The following EHBP1 variants were observed in gnomAD, a reference collection of about 807,000 sequenced individuals.
The protein encoded by EHBP1 is EH domain-binding protein 1.
In EHBP1, 55 loss-of-function variants were observed where a neutral mutation model predicts 144.0. That is an observed-to-expected ratio of 0.38 (90% CI 0.31 to 0.48). The LOEUF is 0.48. Ranked by LOEUF, EHBP1 falls within the 20% of genes least tolerant of loss-of-function variation. EHBP1 has a pLI of 0.98. For synonymous variants in EHBP1, 469 were observed against 472.7 expected, an observed-to-expected ratio of 0.99 and a Z score of 0.10; for missense variants, 1,200 against 1,364.2, an observed-to-expected ratio of 0.88 and a Z score of 1.90.
At chr2:62,705,170 G>C (rs977336431), upstream of EHBP1, among the ~76,000 whole-genome samples, 17 of 152,226 alleles carry the variant, frequency 1.1e-4, no homozygotes, top group East Asian at 3.3e-3. Flanking sequence ...AGGAGGAACT[G>C]GTGAAATAAA....
At chr2:62,766,125 T>A (rs1225573312) in intron 4 of EHBP1, among the ~76,000 whole-genome samples, 1 of 152,158 alleles carries the variant, frequency 6.6e-6, no homozygotes, top group Non-Finnish European at 1.5e-5. Flanking sequence ...CCAGCTGCCA[T>A]GCTATTATAC....
At chr2:62,863,734 C>T (rs1365410057) in intron 8 of EHBP1, among the ~76,000 whole-genome samples, 1 of 151,754 alleles carries the variant, frequency 6.6e-6, no homozygotes, top group African/African-American at 2.4e-5. Context: ...TATCAGATCC[C>T]TGAGTGGTCT....
intron 10 of EHBP1, among the ~76,000 whole-genome samples, chr2:62,890,223 A>G (rs2052346681): frequency 6.6e-6 from 1 of 152,086 alleles, no homozygotes; most frequent in African/African-American, 2.4e-5. Flanking sequence ...AGCATGAGCC[A>G]CCACGCCTAG....
At chr2:62,999,664 C>A (rs1180070629) in intron 19 of EHBP1, among the ~76,000 whole-genome samples, 2 of 152,124 alleles carry the variant, frequency 1.3e-5, no homozygotes, top group Non-Finnish European at 2.9e-5. Context: ...GTACTTCATT[C>A]TTTTTTATGG....
At chr2:63,008,127 G>A (rs2060120194) in intron 19 of EHBP1, among the ~76,000 whole-genome samples, 1 of 151,638 alleles carries the variant, frequency 6.6e-6, no homozygotes. Context: ...ACAAAGAAAT[G>A]AAAATTTAAA....
Position 62,948,877 on chromosome 2 carries a change from C to T in EHBP1, c.2031C>T (p.Pro677=). 1 of 1,613,992 alleles carries T rather than the reference C, an allele frequency of 6.2e-7. No individual in the cohort carries two copies. ...VSDKKKDMSP[P]FICEETDEQK... is the part of the protein sequence containing the mutation. ...ATAAGAAGAAGGATATGTCTCCACC[C>T]TTTATTTGTGAGGAGACAGATGAAC... is the stretch of plus-strand genomic sequence containing the variant. Residue 677 remains proline, a synonymous_variant, in exon 13 of 23, where the codon CCC becomes CCT. Transcript: ENST00000431489.
intron 8 of EHBP1, among the ~76,000 whole-genome samples, chr2:62,863,972 G>GA (rs1302310560): frequency 1.3e-5 from 2 of 149,072 alleles, no homozygotes; most frequent in Non-Finnish European, 3.0e-5. Flanking sequence ...TCAGCCTCCT[G>GA]AGTAGCTGGG....
In EHBP1 at chr2:62,896,130, A is replaced by T. The variant is rs76834983; in HGVS notation, c.1185+21598A>T. On this transcript the variant is annotated intron_variant, in intron 10 of 22. Coordinates refer to ENST00000431489, the MANE Select transcript of EHBP1 (RefSeq NM_001142616.3). The stretch of plus-strand genomic sequence containing the variant: ...TATACATAAAAATCATGGTAAATGC[A>T]TCGGAGGAAAAGAACAGGGTACTAT... 3.9e-4 allele frequency among the ~76,000 whole-genome samples: 60 copies of T among 152,332 alleles called. 2 individuals are homozygous for T. The East Asian group carries it at 0.011, about 28-fold the overall frequency.
intron 19 of EHBP1, among the ~76,000 whole-genome samples, chr2:63,010,453 T>A (rs1334272002): frequency 1.3e-5 from 2 of 151,696 alleles, no homozygotes; most frequent in Admixed American, 6.6e-5. Flanking sequence ...TATACTGGAT[T>A]ATTTTCCATA....
At chr2:62,982,543 C>T (rs2059016443) in intron 15 of EHBP1, among the ~76,000 whole-genome samples, 1 of 152,106 alleles carries the variant, frequency 6.6e-6, no homozygotes, top group Non-Finnish European at 1.5e-5. Flanking sequence ...AATTAGTGTC[C>T]ACTCTTCTAG....
intron 1 of EHBP1, among the ~76,000 whole-genome samples, chr2:62,683,425 C>G (rs1045009946): frequency 2.6e-5 from 4 of 151,954 alleles, no homozygotes; most frequent in African/African-American, 4.8e-5. Flanking sequence ...TTTGGGAGGC[C>G]GAGGTGGGTG....
chr2:62,846,211 C>G (rs78262871), intron 7 of EHBP1, among the ~76,000 whole-genome samples: 3,247 of 152,196 alleles, frequency 0.021, 58 homozygotes, highest in East Asian at 0.062. Context: ...TGGGAGAATT[C>G]TACTGATGCT....
At chr2:62,772,186 A>AAGGGAGGG (rs969648304) in intron 5 of EHBP1, 4 of 137,906 alleles carry the variant, frequency 2.9e-5, no homozygotes, top group African/African-American at 7.8e-5. Context: ...GGAAAGGAGG[A>AAGGGAGGG]AGGGAGGGAG....
At chr2:62,805,935 A>G (rs2044414028) in intron 5 of EHBP1, among the ~76,000 whole-genome samples, 1 of 151,836 alleles carries the variant, frequency 6.6e-6, no homozygotes, top group African/African-American at 2.4e-5. Context: ...CAAAGTGATC[A>G]TTGATATCAT....
intron 5 of EHBP1, among the ~76,000 whole-genome samples, chr2:62,793,451 G>A (rs1309037176): frequency 6.6e-6 from 1 of 152,012 alleles, no homozygotes; most frequent in Non-Finnish European, 1.5e-5. Flanking sequence ...CCAGTCTTTT[G>A]CAATGGTCAT....
intron 3 of EHBP1, among the ~76,000 whole-genome samples, chr2:62,763,788 G>A (rs1338717479): frequency 6.6e-6 from 1 of 152,076 alleles, no homozygotes; most frequent in East Asian, 1.9e-4. Flanking sequence ...TTCTTTATCT[G>A]CCCCAAATAA....
chr2:62,929,172 A>G (rs950490077), intron 10 of EHBP1, among the ~76,000 whole-genome samples: 3 of 152,194 alleles, frequency 2.0e-5, no homozygotes, highest in African/African-American at 7.2e-5. Context: ...AAGAACCAAC[A>G]CTAATTCTTC....
At chr2:62,977,130 A>C (rs931568402) in intron 14 of EHBP1, among the ~76,000 whole-genome samples, 2 of 151,716 alleles carry the variant, frequency 1.3e-5, no homozygotes, top group Non-Finnish European at 1.5e-5. Flanking sequence ...TTGCCTGATT[A>C]ATCTTTCTCA....
intron 19 of EHBP1, among the ~76,000 whole-genome samples, chr2:63,021,588 A>G (rs1468781278): frequency 6.6e-6 from 1 of 152,164 alleles, no homozygotes; most frequent in East Asian, 1.9e-4. Context: ...CCTCTGTTTC[A>G]TCCTGACTTC....
Sources: allele counts gnomAD v4.1 joint callset (sites outside exome capture counted in the v4.1 genomes callset), GRCh38; gene constraint gnomAD v4.1.1; transcripts MANE v1.5; gene names NCBI Gene and HGNC (gene_info 2026-07-23, HGNC 2026-07-21).